The following DAB1 variants were observed in gnomAD, a reference collection of about 807,000 sequenced individuals.
The protein encoded by DAB1 is DAB adaptor protein 1.
Under a neutral mutation model 64.6 loss-of-function variants are expected in DAB1, and 15 were observed. The observed-to-expected ratio is 0.23, with a 90% CI of 0.16 to 0.36. DAB1 has a LOEUF of 0.36. Among genes scored for constraint, DAB1 ranks in the 10% least tolerant of loss-of-function variants. The probability of loss-of-function intolerance (pLI) is 1.00; values close to 1 mark genes in which losing one functional copy is unlikely to be tolerated. For synonymous variants in DAB1, 235 were observed against 251.9 expected (o/e 0.93, Z 0.64); for missense variants, 596 against 706.7 (o/e 0.84, Z 1.78).
At chr1:58,479,407 C>T (rs1645450809) in intron 3 of DAB1, among the ~76,000 whole-genome samples, 2 of 152,182 alleles carry the variant, frequency 1.3e-5, no homozygotes, top group South Asian at 2.1e-4. Flanking sequence ...CCCTGAGAAA[C>T]ATAAACAGCC....
chr1:57,290,700 T>C (rs1672707131), intron 2 of DAB1, among the ~76,000 whole-genome samples: 1 of 152,146 alleles, frequency 6.6e-6, no homozygotes, highest in African/African-American at 2.4e-5. Flanking sequence ...AAATTACTAT[T>C]TAAAAATATA....
At chr1:57,131,174 A>G (rs985121327) in intron 4 of DAB1, among the ~76,000 whole-genome samples, 13 of 152,174 alleles carry the variant, frequency 8.5e-5, no homozygotes, top group African/African-American at 3.1e-4. Context: ...AAGAAAGAAA[A>G]TAAGCTTAGG....
chr1:58,544,048 A>T (rs1646663991), intron 1 of DAB1, among the ~76,000 whole-genome samples: 1 of 152,230 alleles, frequency 6.6e-6, no homozygotes, highest in Admixed American at 6.5e-5. Context: ...TACTGATGTG[A>T]ATGCAGATTC....
chr1:57,892,707 C>T (rs578093848), intron 5 of DAB1, among the ~76,000 whole-genome samples: 40 of 152,128 alleles, frequency 2.6e-4, no homozygotes, highest in Non-Finnish European at 5.1e-4. Flanking sequence ...CAATACATTG[C>T]AATAGACTGT....
At chr1:57,077,197 C>G (rs1334717698) in intron 4 of DAB1, among the ~76,000 whole-genome samples, 1 of 152,142 alleles carries the variant, frequency 6.6e-6, no homozygotes, top group Non-Finnish European at 1.5e-5. Context: ...GCAGAAAGAA[C>G]TGAATGTGTG....
At chr1:57,663,630 T>C (rs967227023) in intron 6 of DAB1, among the ~76,000 whole-genome samples, 1 of 152,122 alleles carries the variant, frequency 6.6e-6, no homozygotes, top group African/African-American at 2.4e-5. Flanking sequence ...CAATATTTTC[T>C]TATTTTTTTT....
chr1:57,181,612 G>A (rs1483622311), intron 2 of DAB1, among the ~76,000 whole-genome samples: 3 of 152,156 alleles, frequency 2.0e-5, no homozygotes, highest in East Asian at 3.9e-4. Flanking sequence ...CTAGCTCAAG[G>A]AAATTCTGCT....
chr1:57,906,155 T>C (rs1433006208), intron 5 of DAB1, among the ~76,000 whole-genome samples: 1 of 152,186 alleles, frequency 6.6e-6, no homozygotes, highest in East Asian at 1.9e-4. Flanking sequence ...TCCTGCTTCC[T>C]GGAATGTGAC....
intron 5 of DAB1, among the ~76,000 whole-genome samples, chr1:58,097,764 T>C (rs1261308272): frequency 1.3e-5 from 2 of 152,178 alleles, no homozygotes; most frequent in African/African-American, 2.4e-5. Context: ...CTCCACTCTC[T>C]CAGCTCAACT....
chr1:57,658,171 T>C (rs1231757932), intron 6 of DAB1, among the ~76,000 whole-genome samples: 3 of 152,222 alleles, frequency 2.0e-5, no homozygotes, highest in Non-Finnish European at 4.4e-5. Context: ...ACTTTGGTAC[T>C]ATTTCCCTAT....
At chr1:58,530,868 A>C in intron 1 of DAB1, 1 of 588,820 alleles carries the variant, frequency 1.7e-6, no homozygotes, top group East Asian at 2.9e-5. Flanking sequence ...TCTTTTGCTT[A>C]TTCTTTCCGG....
At chr1:57,782,684 G>A (rs926249823) in intron 6 of DAB1, among the ~76,000 whole-genome samples, 3 of 152,074 alleles carry the variant, frequency 2.0e-5, no homozygotes, top group African/African-American at 4.8e-5. Flanking sequence ...GTACTATCTT[G>A]GGTGCTTTTA....
intron 4 of DAB1, among the ~76,000 whole-genome samples, chr1:58,289,448 T>G (rs1661765445): frequency 6.6e-6 from 1 of 152,186 alleles, no homozygotes; most frequent in African/African-American, 2.4e-5. Flanking sequence ...CTCATTAAAC[T>G]AAGTGATTTT....
intron 5 of DAB1, among the ~76,000 whole-genome samples, chr1:57,964,234 C>T (rs1645597649): frequency 6.6e-6 from 1 of 152,206 alleles, no homozygotes; most frequent in Non-Finnish European, 1.5e-5. Context: ...TCCACTCAAA[C>T]CTTGCCTCAT....
chr1:58,444,847 A>G (rs1361932840), intron 3 of DAB1, among the ~76,000 whole-genome samples: 1 of 152,242 alleles, frequency 6.6e-6, no homozygotes, highest in Non-Finnish European at 1.5e-5. Flanking sequence ...AGTTCATCAA[A>G]TAATGAGTGT....
At chr1:58,358,165 A>G (rs1440595672) in intron 3 of DAB1, among the ~76,000 whole-genome samples, 2 of 152,206 alleles carry the variant, frequency 1.3e-5, no homozygotes, top group African/African-American at 4.8e-5. Flanking sequence ...ACCTTTATGC[A>G]GATGGTAGAG....
intron 3 of DAB1, among the ~76,000 whole-genome samples, chr1:57,142,080 G>A (rs76705891): frequency 0.015 from 2,345 of 152,218 alleles, 42 homozygotes; most frequent in African/African-American, 0.054. Flanking sequence ...TTTATGGATT[G>A]TAAATTAAAA....
chr1:57,717,281 G>T (rs1004443403), intron 6 of DAB1, among the ~76,000 whole-genome samples: 1 of 150,380 alleles, frequency 6.6e-6, no homozygotes, highest in Non-Finnish European at 1.5e-5. Flanking sequence ...AAAAAAGAAA[G>T]AAAGAAGACA....
chr1:57,926,117 C>G (rs1644876093), intron 5 of DAB1, among the ~76,000 whole-genome samples: 1 of 152,182 alleles, frequency 6.6e-6, no homozygotes, highest in African/African-American at 2.4e-5. Context: ...GCCACTGAGA[C>G]TATATGATTG....
Sources: gnomAD v4.1 joint callset for allele counts (sites outside exome capture counted in the v4.1 genomes callset) on GRCh38, gnomAD v4.1.1 for gene constraint, MANE v1.5 for transcripts, NCBI Gene and HGNC (gene_info 2026-07-23, HGNC 2026-07-21) for gene names.